NRXN3: variants seen among roughly 807,000 people sequenced by gnomAD.
NRXN3 encodes the protein neurexin III.
NRXN3 carries 32 observed loss-of-function variants against 137.6 expected under a neutral mutation model. That is an observed-to-expected ratio of 0.23 (90% confidence interval 0.18 to 0.31). The LOEUF is 0.31. Among genes scored for constraint, NRXN3 ranks in the 10% least tolerant of loss-of-function variants. NRXN3 has a pLI of 1.00. For synonymous variants in NRXN3, 798 were observed against 784.5 expected (o/e 1.02, Z -0.29); for missense variants, 1,574 against 2,062.5 (o/e 0.76, Z 4.59).
At chr14:79,760,198 G>A (rs775154870) in intron 19 of NRXN3, among the ~76,000 whole-genome samples, 1 of 151,512 alleles carries the variant, frequency 6.6e-6, no homozygotes, top group Non-Finnish European at 1.5e-5. Flanking sequence ...ATCCAACCAT[G>A]GCATAATACT....
rs2152820097 is a variant in NRXN3, at chr14:79,094,990, G to GTA, written c.3262+106850_3262+106851insAT. Among the ~76,000 whole-genome samples the GTA allele has an allele frequency of 2.0e-5, 3 of 151,756 alleles. No homozygotes were observed. The South Asian group carries it at 6.3e-4, about 32-fold the overall frequency. On this transcript the variant is annotated intron_variant, in intron 15 of 20. Coordinates refer to ENST00000335750, the MANE Select transcript of NRXN3 (RefSeq NM_001330195.2). ...AGAGAGAGAGAGAGAGTGTGTGTGT[G>GTA]TGTGTGTGTGTGTGTGTGTGAAATG...
intron 4 of NRXN3, among the ~76,000 whole-genome samples, chr14:78,513,648 A>G (rs1208105442): frequency 2.0e-5 from 3 of 152,140 alleles, no homozygotes; most frequent in Non-Finnish European, 4.4e-5. Context: ...TTATAAATCA[A>G]TGTGCAAAAA....
At chr14:78,263,675 T>C (rs924850889) in intron 2 of NRXN3, among the ~76,000 whole-genome samples, 10 of 152,214 alleles carry the variant, frequency 6.6e-5, no homozygotes. Context: ...CAGTTATTTT[T>C]CGTGTGCCTA....
chr14:78,188,901 G>C (rs1285752112), intron 1 of NRXN3, among the ~76,000 whole-genome samples: 1 of 152,156 alleles, frequency 6.6e-6, no homozygotes, highest in East Asian at 1.9e-4. Flanking sequence ...CCTCTCGCCA[G>C]ACTCACTTTG....
chr14:79,398,673 C>A (rs1327131263), intron 15 of NRXN3, among the ~76,000 whole-genome samples: 1 of 151,990 alleles, frequency 6.6e-6, no homozygotes, highest in Non-Finnish European at 1.5e-5. Context: ...AAAAGAGAAG[C>A]ATCTGTTGGA....
chr14:79,585,600 G>T (rs977753546), intron 16 of NRXN3, among the ~76,000 whole-genome samples: 14 of 148,472 alleles, frequency 9.4e-5, no homozygotes, highest in Admixed American at 6.1e-4. Flanking sequence ...CAGGAGAATC[G>T]CCTGAACCCG....
intron 10 of NRXN3, among the ~76,000 whole-genome samples, chr14:78,843,170 A>G (rs761811120): frequency 2.1e-4 from 32 of 152,144 alleles, no homozygotes; most frequent in Non-Finnish European, 3.7e-4. Flanking sequence ...AGTAAAGACA[A>G]GTGTAAGAAA....
intron 4 of NRXN3, among the ~76,000 whole-genome samples, chr14:78,393,658 C>T (rs1187469477): frequency 6.6e-6 from 1 of 151,928 alleles, no homozygotes; most frequent in Non-Finnish European, 1.5e-5. Flanking sequence ...AACAATCTTG[C>T]TTGGATTTTG....
chr14:78,183,768 G>A (rs2153358693), intron 1 of NRXN3, among the ~76,000 whole-genome samples: 1 of 152,276 alleles, frequency 6.6e-6, no homozygotes, highest in South Asian at 2.1e-4. Flanking sequence ...TTCAGGTCTT[G>A]GGGTAAAGGG....
chr14:79,724,696 AT>A (rs1164187262), intron 19 of NRXN3, among the ~76,000 whole-genome samples: 1 of 152,118 alleles, frequency 6.6e-6, no homozygotes. Flanking sequence ...AAAACAACCA[AT>A]TTTGTTTTTG....
At chr14:79,609,863 C>A (rs774862754) in intron 16 of NRXN3, among the ~76,000 whole-genome samples, 1 of 151,936 alleles carries the variant, frequency 6.6e-6, no homozygotes, top group Non-Finnish European at 1.5e-5. Context: ...AAACCAAACA[C>A]CATGTGGTCT....
In NRXN3 at chr14:79,549,557, T is replaced by C. The variant is rs1054994163; in HGVS notation, c.3444+82155T>C. On this transcript the variant is annotated intron_variant, in intron 16 of 20. Transcript: ENST00000335750. ...TGCTCTACACGTGTATGCTTGAGTT[T>C]AGGGCCCTGGAATAAGCAATCCTGG... Among the ~76,000 whole-genome samples, 22 of 152,124 alleles carry C rather than the reference T, an allele frequency of 1.4e-4. 1 individual carries two copies. Among genetic ancestry groups the C allele is most frequent in the Admixed American group, 1.3e-3 (20 of 15,254 alleles).
chr14:79,126,923 C>T (rs1366478489), intron 15 of NRXN3, among the ~76,000 whole-genome samples: 1 of 152,136 alleles, frequency 6.6e-6, no homozygotes, highest in Non-Finnish European at 1.5e-5. Flanking sequence ...CTCTGTTGGC[C>T]AGTGATGGTG....
At chr14:79,136,460 C>T (rs186734787) in intron 15 of NRXN3, among the ~76,000 whole-genome samples, 5 of 152,286 alleles carry the variant, frequency 3.3e-5, no homozygotes, top group East Asian at 3.9e-4. Context: ...ATAAGTGATA[C>T]GGTTTGTTCT....
At chr14:79,218,890 G>A (rs1411419549) in intron 15 of NRXN3, among the ~76,000 whole-genome samples, 1 of 152,048 alleles carries the variant, frequency 6.6e-6, no homozygotes, top group South Asian at 2.1e-4. Context: ...TTTAAGCAAG[G>A]TGCTAAATTA....
In NRXN3 at chr14:78,329,592, A is replaced by C. The variant is rs184416982; in HGVS notation, c.757+31732A>C. 3.3e-5 allele frequency among the ~76,000 whole-genome samples: 5 copies of C among 152,280 alleles called. No homozygotes were observed. In the South Asian group the frequency reaches 6.2e-4, roughly 19 times the overall value. On this transcript the variant is annotated intron_variant, in intron 4 of 20. Coordinates refer to ENST00000335750, the MANE Select transcript of NRXN3 (RefSeq NM_001330195.2). The stretch of plus-strand genomic sequence containing the variant: ...CTTTGCGCTAATGGACTGTTATAAA[A>C]TGCACAGTTGTTTCTTGCAGTCACT...
chr14:79,269,803 A>T (rs983285056), intron 15 of NRXN3, among the ~76,000 whole-genome samples: 1 of 152,190 alleles, frequency 6.6e-6, no homozygotes, highest in Non-Finnish European at 1.5e-5. Context: ...AGTGGAGAAA[A>T]AAAAATGTTT....
rs58170856 is a variant in NRXN3, at chr14:78,993,834, ATTTTTTTTTTTTT to A, written c.3262+5714_3262+5726del. Reference sequence around the variant, plus strand: ...GTTTTCATTGAAGATGAGCCTTGAAATTTTTTTTTTTTTTTTTTTTTTTTTTTTTTTTTGAGAC... The same window carrying A: ...GTTTTCATTGAAGATGAGCCTTGAAATTTTTTTTTTTTTTTTTTTTGAGAC... On this transcript the variant is annotated intron_variant, in intron 15 of 20. Coordinates refer to ENST00000335750, the MANE Select transcript of NRXN3 (RefSeq NM_001330195.2). Among the ~76,000 whole-genome samples the A allele has an allele frequency of 5.5e-3, 370 of 66,992 alleles. 2 individuals are homozygous for A. The highest frequency in any genetic ancestry group is 0.015 in the Middle Eastern group (1 of 68). The allele number at this position is 66,992 out of a possible 152,430, so 43.9% of individuals were successfully genotyped here.
At chr14:79,733,078 G>T (rs992548913) in intron 19 of NRXN3, among the ~76,000 whole-genome samples, 1 of 82,430 alleles carries the variant, frequency 1.2e-5, no homozygotes, top group Admixed American at 1.2e-4. Context: ...TGCAAAATAT[G>T]CAGTGAATAA....
Sources: allele counts gnomAD v4.1 joint callset (sites outside exome capture counted in the v4.1 genomes callset), GRCh38; gene constraint gnomAD v4.1.1; transcripts MANE v1.5; gene names NCBI Gene and HGNC (gene_info 2026-07-23, HGNC 2026-07-21).